PAN2: variants seen among roughly 807,000 people sequenced by gnomAD.
PAN2 encodes the protein poly(A) specific ribonuclease subunit PAN2.
A neutral mutation model predicts 133.3 loss-of-function variants in PAN2; 68 were observed. That is an observed-to-expected ratio of 0.51 (90% CI 0.42 to 0.62). The LOEUF (loss-of-function observed/expected upper bound fraction) is 0.62. Ranked by LOEUF, PAN2 falls within the 20% of genes least tolerant of loss-of-function variation. PAN2 has a pLI of 0.00. For missense variants in PAN2, 1,042 were observed against 1,500.5 expected, an observed-to-expected ratio of 0.69 and a Z score of 5.05; for synonymous variants, 462 against 544.6, an observed-to-expected ratio of 0.85 and a Z score of 2.11.
chr12:56,328,188 C>A, intron 4 of PAN2, 50 bp downstream of exon 4: 2 of 1,593,578 alleles, frequency 1.3e-6, no homozygotes, highest in Non-Finnish European at 1.7e-6. Flanking sequence ...TACCCTGCCC[C>A]CGCAACAACC....
In PAN2 at chr12:56,327,405, A is replaced by C. The variant is rs1875243750; in HGVS notation, c.878T>G (p.Ile293Ser). Reference protein sequence around the residue: ...VHVDPAFLRFIPTYTSRLAII... With the variant: ...VHVDPAFLRFSPTYTSRLAII... The stretch of plus-strand genomic sequence containing the variant: ...AGCAAGACGAGAAGTATATGTAGGA[A>C]TGAAGCGCAAGAAGGCAGGATCCAC... The change falls in exon 6 of 26, where the codon ATT becomes AGT. Residue 293 changes from isoleucine (I) to serine (S), a missense_variant. Ile to Ser is a moderately radical substitution (Grantham distance 142). Transcript: ENST00000440411. The C allele has an allele frequency of 2.5e-6, 4 of 1,614,094 alleles. No homozygotes were observed. The African/African-American group carries it at 5.3e-5, about 22-fold the overall frequency.
intron 17 of PAN2, 146 bp from the exon 18 acceptor site, chr12:56,322,904 C>G (rs1874719151): frequency 7.9e-7 from 1 of 1,262,368 alleles, no homozygotes. Context: ...GACCCCAACA[C>G]TGAACTGAGT....
intron 24 of PAN2, 131 bp from the exon 25 acceptor site, chr12:56,318,565 T>C: frequency 1.5e-6 from 1 of 654,812 alleles, no homozygotes; most frequent in South Asian, 1.9e-5. Flanking sequence ...GACATCTTCC[T>C]CAGTGCACAG....
At chr12:56,327,022 C>A in intron 6 of PAN2, 63 bp from the exon 7 acceptor site, 1 of 1,330,680 alleles carries the variant, frequency 7.5e-7, no homozygotes, top group Non-Finnish European at 1.0e-6. Context: ...TTCTTATGCC[C>A]TTCCTATCCT....
intron 2 of PAN2, among the ~76,000 whole-genome samples, chr12:56,331,417 C>G (rs924056141): frequency 6.6e-6 from 1 of 152,300 alleles, no homozygotes; most frequent in Middle Eastern, 3.4e-3. Flanking sequence ...ACTTCCTCCT[C>G]GATGCCCTTT....
At position 56,322,212 on chromosome 12, in the gene PAN2, T is replaced by C. The variant is rs755448487; in HGVS notation, c.2698-44A>G. 6.9e-6 allele frequency: 9 copies of C among 1,299,356 alleles called. No individual in the cohort carries two copies. The African/African-American group carries it at 1.3e-4, about 19-fold the overall frequency. 80.5% of individuals were successfully genotyped at this position (1,299,356 alleles called of 1,614,324 possible). A position where few individuals can be genotyped will look rare whatever the true frequency, so the allele number is the denominator to read the frequency against. On this transcript the variant is annotated intron_variant, in intron 19 of 25. Transcript: ENST00000440411. ...ACTTATGGCTAATGTATATCACCCT[T>C]TTCCTTTTCCCCCACTTCAGACGGA...
chr12:56,326,497 A>G lies in PAN2; in HGVS notation c.1263-88T>C, dbSNP rs1592440860. The stretch of plus-strand genomic sequence containing the variant: ...CCCCAAGGGTCCAGAGAAAAAGAAA[A>G]TACTGAAGGTAGACAAAAATCAGGA... On this transcript the variant is annotated intron_variant, in intron 7 of 25. Coordinates refer to ENST00000440411, the MANE Select transcript of PAN2 (RefSeq NM_014871.6). 1.4e-5 allele frequency: 21 copies of G among 1,511,204 alleles called. No individual in the cohort carries two copies. In the East Asian group the frequency reaches 4.4e-4, roughly 32 times the overall value. 93.6% of individuals were successfully genotyped at this position (1,511,204 alleles called of 1,614,324 possible). A position where few individuals can be genotyped will look rare whatever the true frequency, so the allele number is the denominator to read the frequency against.
rs368872036 is a variant in PAN2 at position 56,327,010 on chromosome 12, T to C, written c.920-51A>G. On this transcript the variant is annotated intron_variant, in intron 6 of 25. Transcript: ENST00000440411. ...AGCCCTAGAAAGTGAAAGGGAGCCA[T>C]ATTCTTATGCCCTTCCTATCCTCTT... 1.1e-4 allele frequency: 163 copies of C among 1,438,052 alleles called. 1 individual carries two copies. Among genetic ancestry groups the C allele is most frequent in the Middle Eastern group, 9.2e-4 (5 of 5,424 alleles). The allele number at this position is 1,438,052 out of a possible 1,614,324, so 89.1% of individuals were successfully genotyped here. A position where few individuals can be genotyped will look rare whatever the true frequency, so the allele number is the denominator to read the frequency against.
Position 56,327,511 on chromosome 12 carries a change from G to C in PAN2, c.772C>G (p.Leu258Val), listed in dbSNP as rs763777586. The C allele has an allele frequency of 2.7e-5, 44 of 1,614,102 alleles. No homozygotes were observed. The highest frequency in any genetic ancestry group is 3.6e-5 in the Non-Finnish European group (42 of 1,180,066). ...AAACGGTCGCAGGCCAGGCCAGTGA[G>C]GCGGCTGGAGAAGCCACAGGCAGCT... The part of the protein sequence containing the change: ...LLAACGFSSR[L>V]TGLACDRFLK... Residue 258 changes from leucine (L) to valine (V), a missense_variant, in exon 6 of 26, where the codon CTC becomes GTC. By Grantham distance (32) the Leu-to-Val change is conservative. Around this residue, in one of 3 missense-constraint regions of PAN2, gnomAD observed 908 missense variants for 1,223.5 expected, o/e 0.74. Transcript: ENST00000440411.
At chr12:56,330,020 T>A (rs891481629) in intron 2 of PAN2, among the ~76,000 whole-genome samples, 2 of 151,250 alleles carry the variant, frequency 1.3e-5, no homozygotes, top group Non-Finnish European at 2.9e-5. Context: ...ACACAGCATA[T>A]GAAGTTCTCT....
Position 56,332,916 on chromosome 12 carries a change from C to A in PAN2, c.179G>T (p.Gly60Val). 6.2e-7 allele frequency: 1 copy of A among 1,614,204 alleles called. No homozygotes were observed. The highest frequency in any genetic ancestry group is 8.5e-7 in the Non-Finnish European group (1 of 1,180,030). ...PVQESVHIME[G>V]VYSELHSVVA... ...CACGCTGTGCAATTCAGAGTAGACA[C>A]CTTCCATTATGTGCACTGATTCCTG... Residue 60 changes from glycine (G) to valine (V), a missense_variant, in exon 2 of 26, where the codon GGT (glycine) becomes GTT (valine). By Grantham distance (109) the Gly-to-Val change is moderately radical. Around this residue, in one of 3 missense-constraint regions of PAN2, gnomAD observed 908 missense variants for 1,223.5 expected, o/e 0.74. Transcript: ENST00000440411.
Position 56,318,442 on chromosome 12 carries a change from A to C in PAN2, c.3365-8T>G. ...CCCCTTGAATCTTCAGGTCTGGGGT[A>C]AGTAAAGGTGGAATAGTTTGGGACC... On this transcript the variant is annotated splice_polypyrimidine_tract_variant and splice_region_variant and intron_variant, in intron 24 of 25. Transcript: ENST00000440411. The C allele has an allele frequency of 6.2e-7, 1 of 1,611,296 alleles. No homozygotes were observed. Among genetic ancestry groups the C allele is most frequent in the Non-Finnish European group, 8.5e-7 (1 of 1,177,466 alleles).
chr12:56,328,734 T>A (rs1875403659), intron 2 of PAN2, 93 bp from the exon 3 acceptor site: 1 of 1,030,868 alleles, frequency 9.7e-7, no homozygotes, highest in Non-Finnish European at 1.4e-6. Flanking sequence ...TCAGCTTGGA[T>A]CCTTTCTTGC....
At chr12:56,323,934 A>G in intron 13 of PAN2, 21 bp from the exon 14 acceptor site, 1 of 1,606,580 alleles carries the variant, frequency 6.2e-7, no homozygotes, top group South Asian at 1.1e-5. Flanking sequence ...ATTAGATGCT[A>G]TACTCCTGGT....
rs2135969822 is a variant in PAN2 at position 56,324,084 on chromosome 12, G to A, written c.2030C>T (p.Ser677Leu). ...CRCGSETVRASSTLLFTLSYP... is the reference protein window; with the variant it reads ...CRCGSETVRALSTLLFTLSYP... Reference sequence around the variant, plus strand: ...GGAGAGTGTGAAAAGCAGAGTGGATGAGGCTCGCACGGTCTCACTGCCACA... The same window carrying A: ...GGAGAGTGTGAAAAGCAGAGTGGATAAGGCTCGCACGGTCTCACTGCCACA... The change falls in exon 13 of 26, where the codon TCA becomes TTA. Residue 677 changes from serine (S) to leucine (L), a missense_variant. Physicochemically the swap from Ser to Leu is moderately radical, Grantham distance 145. Coordinates refer to ENST00000440411, the MANE Select transcript of PAN2 (RefSeq NM_014871.6). 6.2e-7 allele frequency: 1 copy of A among 1,614,192 alleles called. No homozygotes were observed. Among genetic ancestry groups the A allele is most frequent in the South Asian group, 1.1e-5 (1 of 91,082 alleles).
At position 56,329,485 on chromosome 12, in the gene PAN2, A is replaced by G. The variant is rs556945698; in HGVS notation, c.283-844T>C. 2.6e-5 allele frequency among the ~76,000 whole-genome samples: 4 copies of G among 151,942 alleles called. No homozygotes were observed. The East Asian group carries it at 5.9e-4, about 22-fold the overall frequency. On this transcript the variant is annotated intron_variant, in intron 2 of 25. Transcript: ENST00000440411. ...GCCAGGATTACAGGCATGCACCACC[A>G]CACCTAGCTAATTTTTTGTATTTTT... is the stretch of plus-strand genomic sequence containing the variant.
At chr12:56,327,752 C>G in intron 5 of PAN2, 121 bp from the exon 6 acceptor site, 1 of 1,315,704 alleles carries the variant, frequency 7.6e-7, no homozygotes. Flanking sequence ...AAAGTTAAAG[C>G]ACAGAAAAGG....
At chr12:56,324,878 A>G in intron 10 of PAN2, 131 bp downstream of exon 10, 8 of 1,384,452 alleles carry the variant, frequency 5.8e-6, no homozygotes, top group African/African-American at 1.4e-5. Context: ...TGTAGAGGCA[A>G]GAAAGAATTG....
chr12:56,323,268 C>T, intron 16 of PAN2, 43 bp downstream of exon 16: 1 of 1,613,842 alleles, frequency 6.2e-7, no homozygotes, highest in Non-Finnish European at 8.5e-7. Context: ...AGAGGAACCA[C>T]TGGGCAATTC....
Sources: allele counts gnomAD v4.1 joint callset (sites outside exome capture counted in the v4.1 genomes callset), GRCh38; gene constraint gnomAD v4.1.1; regional missense constraint gnomAD v4.1.1; transcripts MANE v1.5; gene names NCBI Gene and HGNC (gene_info 2026-07-23, HGNC 2026-07-21).